PKNOX1: variants seen among roughly 807,000 people sequenced by gnomAD.
PKNOX1 encodes PBX/knotted 1 homeobox 1.
PKNOX1 carries 15 observed loss-of-function variants against 51.9 expected under a neutral mutation model. That is an observed-to-expected ratio of 0.29 (90% CI 0.19 to 0.45). The LOEUF is 0.45. Ranked by LOEUF, PKNOX1 falls within the 20% of genes least tolerant of loss-of-function variation. The pLI is 1.00. For missense variants in PKNOX1, 462 were observed against 547.5 expected (o/e 0.84, Z 1.56); for synonymous variants, 219 against 211.1 (o/e 1.04, Z -0.32).
chr21:42,981,207 C>T (rs403706), intron 1 of PKNOX1, among the ~76,000 whole-genome samples: 130,421 of 152,214 alleles, frequency 0.86, 55,947 homozygotes, highest in African/African-American at 0.88. Flanking sequence ...GAAGGTCAGT[C>T]TGGAAACTGT....
At chr21:43,010,730 G>GGT (rs1979213707) in intron 4 of PKNOX1, among the ~76,000 whole-genome samples, 1 of 151,938 alleles carries the variant, frequency 6.6e-6, no homozygotes, top group South Asian at 2.1e-4. Context: ...CAGGCATGGT[G>GGT]GCACATGCCT....
At chr21:42,998,063 T>TA (rs1467374707) in intron 1 of PKNOX1, among the ~76,000 whole-genome samples, 1 of 152,168 alleles carries the variant, frequency 6.6e-6, no homozygotes, top group Non-Finnish European at 1.5e-5. Context: ...ACACTGCTGA[T>TA]AAAGTTGTAC....
rs905489534 is a variant in PKNOX1 at position 43,031,852 on chromosome 21, T to C, written c.*1751T>C. 1 of 166,950 alleles carries C rather than the reference T, an allele frequency of 6.0e-6. No individual in the cohort carries two copies. The highest frequency in any genetic ancestry group is 1.3e-5 in the Non-Finnish European group (1 of 75,974). 10.3% of individuals were successfully genotyped at this position (166,950 alleles called of 1,614,324 possible). ...CTGAAAGACTTGGTTATCAAGTCTT[T>C]TGGGGAGAGAATGACATTTTTTTTT... On this transcript the variant is annotated 3_prime_UTR_variant, in exon 11 of 11. Coordinates refer to ENST00000291547, the MANE Select transcript of PKNOX1 (RefSeq NM_004571.5).
intron 3 of PKNOX1, 22 bp downstream of exon 3, chr21:43,007,640 G>C (rs146524379): frequency 6.2e-7 from 1 of 1,613,904 alleles, no homozygotes; most frequent in East Asian, 2.2e-5. Context: ...GGTGCCGGCT[G>C]TGGGGGCCTC....
At chr21:42,984,938 C>T (rs1163550810) in intron 1 of PKNOX1, among the ~76,000 whole-genome samples, 2 of 147,014 alleles carry the variant, frequency 1.4e-5, no homozygotes, top group Admixed American at 1.4e-4. Context: ...GAAAGGGGTC[C>T]TTGCCTCCAA....
intron 7 of PKNOX1, among the ~76,000 whole-genome samples, chr21:43,019,240 A>C (rs1361200314): frequency 6.6e-6 from 1 of 150,896 alleles, no homozygotes; most frequent in Non-Finnish European, 1.5e-5. Flanking sequence ...TAAAGATGCA[A>C]AAATTAGCTG....
At chr21:42,990,063 C>T (rs1180705472) in intron 1 of PKNOX1, among the ~76,000 whole-genome samples, 1 of 150,746 alleles carries the variant, frequency 6.6e-6, no homozygotes, top group Non-Finnish European at 1.5e-5. Context: ...TGCCATTGCA[C>T]TCCAGCCTGG....
chr21:43,024,049 T>C (rs771192733), intron 8 of PKNOX1, among the ~76,000 whole-genome samples: 10 of 152,304 alleles, frequency 6.6e-5, no homozygotes, highest in Middle Eastern at 3.4e-3. Context: ...GTTGGATTTT[T>C]TGTATGTGAA....
chr21:43,028,549 T>G (rs981056152), intron 9 of PKNOX1, 153 bp from the exon 10 acceptor site: 2 of 697,906 alleles, frequency 2.9e-6, no homozygotes, highest in African/African-American at 1.8e-5. Flanking sequence ...GAAGAGCTGT[T>G]GAGTCCTCTT....
intron 4 of PKNOX1, among the ~76,000 whole-genome samples, chr21:43,012,371 C>T (rs1359076657): frequency 6.6e-6 from 1 of 152,038 alleles, no homozygotes; most frequent in African/African-American, 2.4e-5. Context: ...AACAGCCTGA[C>T]CAACATGGTG....
intron 5 of PKNOX1, among the ~76,000 whole-genome samples, chr21:43,016,334 A>G (rs1979488006): frequency 6.6e-6 from 1 of 152,220 alleles, no homozygotes; most frequent in African/African-American, 2.4e-5. Context: ...TAGGCCGGGC[A>G]CAGTTCCAAG....
Position 43,022,574 on chromosome 21 carries a change from A to G in PKNOX1, c.849+1143A>G, listed in dbSNP as rs1164880062. 2.0e-5 allele frequency among the ~76,000 whole-genome samples: 3 copies of G among 152,118 alleles called. No homozygotes were observed. The East Asian group carries it at 5.8e-4, about 30-fold the overall frequency. On this transcript the variant is annotated intron_variant, in intron 8 of 10. Transcript: ENST00000291547. ...TGCCTGCCCTGGCCTCTTGGTCTCCACCGAGCCGCTTCCATGGGCATAAAA... is the reference window on the plus strand; with the variant it reads ...TGCCTGCCCTGGCCTCTTGGTCTCCGCCGAGCCGCTTCCATGGGCATAAAA...
At chr21:43,023,345 G>T (rs1054605196) in intron 8 of PKNOX1, among the ~76,000 whole-genome samples, 2 of 152,026 alleles carry the variant, frequency 1.3e-5, no homozygotes, top group African/African-American at 2.4e-5. Context: ...ATCTGAGGCC[G>T]CTCCGTCCCC....
At chr21:42,974,969 G>A (rs1187692971) in intron 1 of PKNOX1, among the ~76,000 whole-genome samples, 1 of 145,840 alleles carries the variant, frequency 6.9e-6, no homozygotes, top group Admixed American at 6.8e-5. Context: ...TCTGGAAGGC[G>A]CCGCCGCCGC....
intron 1 of PKNOX1, among the ~76,000 whole-genome samples, chr21:43,002,655 G>T (rs888988398): frequency 1.3e-5 from 2 of 152,182 alleles, no homozygotes; most frequent in African/African-American, 4.8e-5. Context: ...ATGTGCTCAA[G>T]AGGCGACCTG....
intron 3 of PKNOX1, among the ~76,000 whole-genome samples, chr21:43,008,780 CA>C (rs34065486): frequency 2.8e-4 from 41 of 145,862 alleles, no homozygotes; most frequent in African/African-American, 2.8e-4. Flanking sequence ...GGCCCTATCT[CA>C]AAAAAAAAAA....
intron 1 of PKNOX1, among the ~76,000 whole-genome samples, chr21:42,985,524 G>A (rs938297181): frequency 8.6e-5 from 13 of 150,756 alleles, no homozygotes; most frequent in South Asian, 2.1e-4. Context: ...TAGTAGAGAC[G>A]GGGTTTTGCC....
At chr21:42,999,474 A>G (rs1005114061) in intron 1 of PKNOX1, among the ~76,000 whole-genome samples, 1 of 151,492 alleles carries the variant, frequency 6.6e-6, no homozygotes, top group African/African-American at 2.4e-5. Context: ...AGGAAATGGG[A>G]TTTTCTTTTC....
At chr21:42,997,891 C>T (rs1296206031) in intron 1 of PKNOX1, among the ~76,000 whole-genome samples, 1 of 152,114 alleles carries the variant, frequency 6.6e-6, no homozygotes, top group African/African-American at 2.4e-5. Flanking sequence ...GTTTATACAA[C>T]TTGGAGTGCG....
Sources: gnomAD v4.1 joint callset for allele counts (sites outside exome capture counted in the v4.1 genomes callset) on GRCh38, gnomAD v4.1.1 for gene constraint, MANE v1.5 for transcripts, NCBI Gene and HGNC (gene_info 2026-07-23, HGNC 2026-07-21) for gene names.